The following NLGN1 variants were observed in gnomAD, a reference collection of about 807,000 sequenced individuals.
The protein encoded by NLGN1 is neuroligin 1.
Under a neutral mutation model 65.5 loss-of-function variants are expected in NLGN1, and 12 were observed. The ratio of observed to expected loss-of-function variants is 0.18; its 90% CI spans 0.12 to 0.30. The LOEUF is 0.30. Among genes scored for constraint, NLGN1 ranks in the 10% least tolerant of loss-of-function variants. The probability of loss-of-function intolerance (pLI) is 1.00; values close to 1 mark genes in which losing one functional copy is unlikely to be tolerated. For missense variants in NLGN1, 750 were observed against 1,007.1 expected, an observed-to-expected ratio of 0.74 and a Z score of 3.46; for synonymous variants, 350 against 359.5, an observed-to-expected ratio of 0.97 and a Z score of 0.30.
At chr3:173,749,050 T>C (rs1775949201) in intron 3 of NLGN1, among the ~76,000 whole-genome samples, 1 of 152,092 alleles carries the variant, frequency 6.6e-6, no homozygotes, top group South Asian at 2.1e-4. Context: ...CTCATTTGCA[T>C]TTTCTGTATG....
At chr3:173,764,098 A>G (rs1778402853) in intron 3 of NLGN1, among the ~76,000 whole-genome samples, 1 of 152,178 alleles carries the variant, frequency 6.6e-6, no homozygotes, top group Non-Finnish European at 1.5e-5. Context: ...TGACATTTTC[A>G]TATTCTCACC....
intron 4 of NLGN1, chr3:173,910,890 A>C (rs928619728): frequency 5.3e-5 from 8 of 152,202 alleles, no homozygotes; most frequent in African/African-American, 1.7e-4. Flanking sequence ...GGGTATCGGA[A>C]AGTAAAAAGG....
intron 4 of NLGN1, among the ~76,000 whole-genome samples, chr3:174,088,981 C>G (rs1286885897): frequency 1.3e-5 from 2 of 151,852 alleles, no homozygotes; most frequent in Non-Finnish European, 2.9e-5. Flanking sequence ...ACTCCGATCT[C>G]TTTTTAAAAA....
At chr3:174,119,051 C>T (rs1325659833) in intron 4 of NLGN1, among the ~76,000 whole-genome samples, 1 of 151,834 alleles carries the variant, frequency 6.6e-6, no homozygotes, top group Admixed American at 6.6e-5. Flanking sequence ...CTTTTTTCTT[C>T]GTGCATAGAA....
intron 4 of NLGN1, among the ~76,000 whole-genome samples, chr3:174,160,017 G>A (rs745601059): frequency 4.6e-5 from 7 of 151,502 alleles, no homozygotes; most frequent in Admixed American, 1.3e-4. Flanking sequence ...TAGACATTCC[G>A]TTTTTAAATA....
At chr3:174,197,087 T>C (rs1733566448) in intron 4 of NLGN1, among the ~76,000 whole-genome samples, 1 of 152,106 alleles carries the variant, frequency 6.6e-6, no homozygotes, top group Non-Finnish European at 1.5e-5. Context: ...CTTTTAGCTA[T>C]CACCTTTGCT....
intron 3 of NLGN1, among the ~76,000 whole-genome samples, chr3:173,708,607 A>G (rs898919207): frequency 6.6e-6 from 1 of 152,198 alleles, no homozygotes; most frequent in African/African-American, 2.4e-5. Context: ...GGAATAGCCT[A>G]GAAAAGGTAT....
intron 4 of NLGN1, among the ~76,000 whole-genome samples, chr3:173,912,064 C>G (rs1739721458): frequency 6.6e-6 from 1 of 152,040 alleles, no homozygotes; most frequent in South Asian, 2.1e-4. Context: ...GAAATATAAG[C>G]CAGTAACTAA....
At chr3:173,447,562 C>T (rs1462854410) in intron 2 of NLGN1, among the ~76,000 whole-genome samples, 1 of 151,976 alleles carries the variant, frequency 6.6e-6, no homozygotes, top group African/African-American at 2.4e-5. Flanking sequence ...TTTTTTGGTC[C>T]CATATGAACT....
intron 4 of NLGN1, among the ~76,000 whole-genome samples, chr3:173,995,596 G>T (rs920742177): frequency 2.0e-5 from 3 of 151,356 alleles, no homozygotes; most frequent in Non-Finnish European, 2.9e-5. Flanking sequence ...ATTGTGAATT[G>T]ATCAGTCACT....
chr3:173,633,580 T>A (rs1331836297), intron 3 of NLGN1, among the ~76,000 whole-genome samples: 2 of 152,144 alleles, frequency 1.3e-5, no homozygotes, highest in African/African-American at 2.4e-5. Flanking sequence ...AATATCTAAT[T>A]CAAACATTTT....
intron 2 of NLGN1, among the ~76,000 whole-genome samples, chr3:173,452,077 G>T (rs539736484): frequency 6.6e-6 from 1 of 152,198 alleles, no homozygotes; most frequent in Non-Finnish European, 1.5e-5. Context: ...TGCACCCACT[G>T]TCTGGCTCTC....
At chr3:173,448,280 G>A (rs567956408) in intron 2 of NLGN1, among the ~76,000 whole-genome samples, 5 of 152,260 alleles carry the variant, frequency 3.3e-5, no homozygotes, top group African/African-American at 1.2e-4. Flanking sequence ...AAGAGTTGTT[G>A]AATTTTGTCA....
chr3:174,051,041 C>G (rs1239299125), intron 4 of NLGN1, among the ~76,000 whole-genome samples: 1 of 152,024 alleles, frequency 6.6e-6, no homozygotes, highest in Admixed American at 6.6e-5. Flanking sequence ...AACAAGAGGC[C>G]TCCAGCTCCC....
chr3:174,170,538 A>G (rs922786028), intron 4 of NLGN1, among the ~76,000 whole-genome samples: 2 of 152,216 alleles, frequency 1.3e-5, no homozygotes, highest in African/African-American at 4.8e-5. Context: ...TTTAGTCTTA[A>G]TGAAAGAAAA....
chr3:173,883,963 T>C (rs1426849330), intron 4 of NLGN1, among the ~76,000 whole-genome samples: 1 of 152,024 alleles, frequency 6.6e-6, no homozygotes, highest in Non-Finnish European at 1.5e-5. Context: ...CCTTGAATAG[T>C]ACTGTTCAAC....
chr3:174,093,590 G>A (rs548814467), intron 4 of NLGN1, among the ~76,000 whole-genome samples: 17 of 152,302 alleles, frequency 1.1e-4, no homozygotes, highest in Middle Eastern at 6.8e-3. Flanking sequence ...GGTTAATGCT[G>A]TACATTAGCC....
rs113248078 is a variant in NLGN1 at position 173,761,525 on chromosome 3, T to C, written c.494-46155T>C. On this transcript the variant is annotated intron_variant, in intron 3 of 6. Transcript: ENST00000457714. ...TTCTGATGAGGCGGGTAGATTAGCA[T>C]GATATATAGAGCATCACTACCTTTT... Among the ~76,000 whole-genome samples, 559 of 152,116 alleles carry C rather than the reference T, an allele frequency of 3.7e-3. 3 individuals carry two copies. Among genetic ancestry groups the C allele is most frequent in the African/African-American group, 0.013 (538 of 41,518 alleles).
chr3:173,431,561 C>T (rs1046565088), intron 1 of NLGN1, among the ~76,000 whole-genome samples: 1 of 151,856 alleles, frequency 6.6e-6, no homozygotes, highest in Non-Finnish European at 1.5e-5. Context: ...ATAATATGTA[C>T]TTTAATTTTT....
Sources: allele counts gnomAD v4.1 joint callset (sites outside exome capture counted in the v4.1 genomes callset), GRCh38; gene constraint gnomAD v4.1.1; transcripts MANE v1.5; gene names NCBI Gene and HGNC (gene_info 2026-07-23, HGNC 2026-07-21).